ELP4: variants seen among roughly 807,000 people sequenced by gnomAD.
ELP4 encodes the protein elongator complex protein 4.
Under a neutral mutation model 48.9 loss-of-function variants are expected in ELP4, and 51 were observed. The observed-to-expected ratio is 1.04, with a 90% CI of 0.83 to 1.32. The LOEUF (loss-of-function observed/expected upper bound fraction) is 1.32. Ranked by LOEUF, ELP4 falls within the 40% of genes most tolerant of loss-of-function variation. The pLI is 0.00. For missense variants in ELP4, 519 were observed against 514.6 expected, an observed-to-expected ratio of 1.01 and a Z score of -0.08; for synonymous variants, 210 against 189.2, an observed-to-expected ratio of 1.11 and a Z score of -0.90.
At chr11:31,750,275 T>C (rs757623710) in intron 9 of ELP4, among the ~76,000 whole-genome samples, 1 of 152,186 alleles carries the variant, frequency 6.6e-6, no homozygotes, top group Non-Finnish European at 1.5e-5. Context: ...GAGTACAGAT[T>C]GGTAATGGAA....
intron 9 of ELP4, among the ~76,000 whole-genome samples, chr11:31,774,947 G>A (rs1260319310): frequency 1.3e-5 from 2 of 152,168 alleles, no homozygotes; most frequent in African/African-American, 2.4e-5. Context: ...GAGAGAGCCT[G>A]TACCCATTCT....
At chr11:31,629,748 T>G (rs1408410439) in intron 6 of ELP4, among the ~76,000 whole-genome samples, 1 of 149,698 alleles carries the variant, frequency 6.7e-6, no homozygotes, top group Non-Finnish European at 1.5e-5. Context: ...CCTTTGCGTT[T>G]CATTGTACTA....
At chr11:31,579,638 A>T (rs1957351476) in intron 3 of ELP4, among the ~76,000 whole-genome samples, 1 of 152,090 alleles carries the variant, frequency 6.6e-6, no homozygotes, top group Non-Finnish European at 1.5e-5. Context: ...CTTTATAGGG[A>T]CATGGATGAA....
At chr11:31,641,966 T>G (rs1006195498) in intron 7 of ELP4, among the ~76,000 whole-genome samples, 1 of 151,904 alleles carries the variant, frequency 6.6e-6, no homozygotes, top group East Asian at 1.9e-4. Context: ...GTTTCAAGTA[T>G]CAAAGTACTA....
chr11:31,712,207 C>T (rs995597323), intron 9 of ELP4, among the ~76,000 whole-genome samples: 2 of 151,682 alleles, frequency 1.3e-5, no homozygotes, highest in East Asian at 1.9e-4. Flanking sequence ...GAATTGTGTA[C>T]GTTTGTGAAG....
At chr11:31,622,971 A>T (rs931492358) in intron 5 of ELP4, among the ~76,000 whole-genome samples, 2 of 151,532 alleles carry the variant, frequency 1.3e-5, no homozygotes, top group Admixed American at 1.3e-4. Context: ...AATTGTCTTT[A>T]TGTTCTTTGT....
chr11:31,567,766 G>A (rs1957135153), intron 3 of ELP4, among the ~76,000 whole-genome samples: 1 of 152,162 alleles, frequency 6.6e-6, no homozygotes, highest in Admixed American at 6.5e-5. Context: ...TCTACTAAGT[G>A]TGCAATAGCA....
intron 9 of ELP4, among the ~76,000 whole-genome samples, chr11:31,717,390 ATATAT>A (rs1383275195): frequency 6.6e-6 from 1 of 152,048 alleles, no homozygotes; most frequent in Non-Finnish European, 1.5e-5. Context: ...CTCATTTGTA[ATATAT>A]TAGTATCAGG....
At chr11:31,601,985 T>A (rs973801038) in intron 4 of ELP4, among the ~76,000 whole-genome samples, 1 of 152,058 alleles carries the variant, frequency 6.6e-6, no homozygotes, top group Non-Finnish European at 1.5e-5. Context: ...TAATCCATGC[T>A]GCTGCATGGA....
intron 5 of ELP4, among the ~76,000 whole-genome samples, chr11:31,609,627 G>T (rs1592156119): frequency 6.6e-6 from 1 of 152,068 alleles, no homozygotes; most frequent in South Asian, 2.1e-4. Flanking sequence ...CCCGGCCGGG[G>T]TCTGTGGGTT....
Position 31,650,185 on chromosome 11 carries a change from A to C in ELP4, c.1107A>C (p.Leu369Phe). Reference protein sequence around the residue: ...LICDESDVKDLAFKLKRKLFT... With the variant: ...LICDESDVKDFAFKLKRKLFT... ...GTGATGAATCAGATGTCAAAGACTT[A>C]GCTTTTAAATTAAAAAGGAAGCTAT... The change falls in exon 9 of 10, where the codon TTA becomes TTC. Residue 369 changes from leucine (L) to phenylalanine (F), a missense_variant. By Grantham distance (22) the Leu-to-Phe change is conservative. Transcript: ENST00000640961. 6.6e-7 allele frequency: 1 copy of C among 1,504,504 alleles called. No homozygotes were observed. The highest frequency in any genetic ancestry group is 9.2e-7 in the Non-Finnish European group (1 of 1,090,950). 93.2% of individuals were successfully genotyped at this position (1,504,504 alleles called of 1,614,324 possible). A position where few individuals can be genotyped will look rare whatever the true frequency, so the allele number is the denominator to read the frequency against.
intron 3 of ELP4, 109 bp from the exon 4 acceptor site, chr11:31,594,661 C>A: frequency 1.6e-6 from 1 of 619,398 alleles, no homozygotes; most frequent in Non-Finnish European, 2.6e-6. Flanking sequence ...CAATGTTAGT[C>A]ATGAATTTTC....
At chr11:31,520,639 A>G (rs1343038661) in intron 2 of ELP4, among the ~76,000 whole-genome samples, 3 of 152,136 alleles carry the variant, frequency 2.0e-5, no homozygotes, top group African/African-American at 7.2e-5. Context: ...TGTCAGTTAT[A>G]TAATCAAAGC....
intron 9 of ELP4, among the ~76,000 whole-genome samples, chr11:31,698,155 A>G (rs1451654262): frequency 6.6e-6 from 1 of 152,200 alleles, no homozygotes; most frequent in African/African-American, 2.4e-5. Flanking sequence ...CTAATCTGGT[A>G]TAAAATATGC....
intron 3 of ELP4, among the ~76,000 whole-genome samples, chr11:31,544,254 A>C (rs2133914045): frequency 6.6e-6 from 1 of 152,354 alleles, no homozygotes; most frequent in East Asian, 1.9e-4. Flanking sequence ...AGTCAAAGAA[A>C]GGGGTGACAG....
At chr11:31,548,262 T>A (rs532484389) in intron 3 of ELP4, among the ~76,000 whole-genome samples, 1 of 152,152 alleles carries the variant, frequency 6.6e-6, no homozygotes, top group Non-Finnish European at 1.5e-5. Flanking sequence ...AAAATCTCCT[T>A]AGCGGATAAG....
intron 3 of ELP4, among the ~76,000 whole-genome samples, chr11:31,593,827 T>C (rs1400252653): frequency 6.6e-6 from 1 of 152,194 alleles, no homozygotes; most frequent in East Asian, 1.9e-4. Context: ...AGACTAGCAT[T>C]AATTAAAATG....
intron 9 of ELP4, among the ~76,000 whole-genome samples, chr11:31,711,648 T>TA (rs893065430): frequency 2.0e-5 from 3 of 152,178 alleles, no homozygotes; most frequent in African/African-American, 7.2e-5. Context: ...CTTATGATGA[T>TA]AAAGATAAAT....
chr11:31,770,587 CTA>C (rs953200621), intron 9 of ELP4, among the ~76,000 whole-genome samples: 2 of 144,704 alleles, frequency 1.4e-5, no homozygotes, highest in African/African-American at 5.1e-5. Flanking sequence ...AAAATAGAAA[CTA>C]AAAGTAAAAG....
Sources: gnomAD v4.1 joint callset for allele counts (sites outside exome capture counted in the v4.1 genomes callset) on GRCh38, gnomAD v4.1.1 for gene constraint, MANE v1.5 for transcripts, NCBI Gene and HGNC (gene_info 2026-07-23, HGNC 2026-07-21) for gene names.